The following NMNAT3 variants were observed in gnomAD, a reference collection of about 807,000 sequenced individuals.
NMNAT3 encodes the protein nicotinamide nucleotide adenylyltransferase 3.
In NMNAT3, 21 loss-of-function variants were observed where a neutral mutation model predicts 24.8. The observed-to-expected ratio is 0.85, with a 90% confidence interval of 0.60 to 1.22. The LOEUF is 1.22. NMNAT3 is among the 50% of genes most tolerant of loss of function. The pLI is 0.00. For missense variants in NMNAT3, 387 were observed against 436.6 expected, an observed-to-expected ratio of 0.89 and a Z score of 1.01; for synonymous variants, 136 against 155.2, an observed-to-expected ratio of 0.88 and a Z score of 0.92.
At chr3:139,587,088 A>ATT (rs1250222294) in intron 3 of NMNAT3, among the ~76,000 whole-genome samples, 1 of 152,222 alleles carries the variant, frequency 6.6e-6, no homozygotes, top group Non-Finnish European at 1.5e-5. Context: ...ACCACCTTGC[A>ATT]TTGCCCTGTG....
At chr3:139,627,465 T>C (rs1302084788) in intron 3 of NMNAT3, 151 bp downstream of exon 4, 21 of 563,816 alleles carry the variant, frequency 3.7e-5, no homozygotes, top group Non-Finnish European at 5.4e-5. Flanking sequence ...ACTATAAGCA[T>C]CAACCCTTTG....
At chr3:139,671,808 T>A (rs2057765657) in intron 1 of NMNAT3, among the ~76,000 whole-genome samples, 1 of 152,212 alleles carries the variant, frequency 6.6e-6, no homozygotes, top group African/African-American at 2.4e-5. Context: ...CAAGTTAGAC[T>A]CCTACACACT....
chr3:139,567,982 TG>T (rs1366509362), intron 6 of NMNAT3: 11 of 152,214 alleles, frequency 7.2e-5, no homozygotes, highest in Admixed American at 2.0e-4. Flanking sequence ...GGACTTTTTT[TG>T]GTTGGTAAGC....
At chr3:139,676,755 G>A (rs1165769421) in intron 1 of NMNAT3, among the ~76,000 whole-genome samples, 2 of 152,232 alleles carry the variant, frequency 1.3e-5, no homozygotes. Context: ...TCATTTTAGA[G>A]AACAGGCTGT....
At chr3:139,562,250 C>T (rs1936514285) in intron 6 of NMNAT3, among the ~76,000 whole-genome samples, 1 of 152,190 alleles carries the variant, frequency 6.6e-6, no homozygotes, top group South Asian at 2.1e-4. Flanking sequence ...GGCAGCCATC[C>T]TCCAGGTGTG....
Position 139,627,684 on chromosome 3 carries a change from G to A in NMNAT3, c.41C>T (p.Ser14Phe). The change falls in exon 3 of 7, where the codon TCC becomes TTC. Residue 14 changes from serine to phenylalanine, a missense_variant. This residue lies in a region of NMNAT3 where 51 missense variants were observed against 55.6 expected (regional missense o/e 0.92). Transcript: ENST00000643695. ...GTGCATGTTGGTGATGGGGTTAAAG[G>A]AGCCACAGGCCAGGAGCACCACAGG... 6.3e-7 allele frequency: 1 copy of A among 1,596,124 alleles called. No individual in the cohort carries two copies. Among genetic ancestry groups the A allele is most frequent in the Non-Finnish European group, 8.5e-7 (1 of 1,178,498 alleles).
intron 3 of NMNAT3, among the ~76,000 whole-genome samples, chr3:139,613,007 G>A (rs985145210): frequency 4.6e-5 from 7 of 152,140 alleles, no homozygotes; most frequent in Non-Finnish European, 8.8e-5. Context: ...AGACCTAAAT[G>A]TTAGATCTAA....
chr3:139,590,092 G>T (rs1056457223), intron 3 of NMNAT3, among the ~76,000 whole-genome samples: 6 of 152,188 alleles, frequency 3.9e-5, no homozygotes, highest in Admixed American at 3.3e-4. Flanking sequence ...CTTCAGGAGG[G>T]ATATGGGCAG....
At chr3:139,613,119 C>A (rs900127917) in intron 3 of NMNAT3, among the ~76,000 whole-genome samples, 32 of 151,894 alleles carry the variant, frequency 2.1e-4, no homozygotes, top group African/African-American at 6.5e-4. Flanking sequence ...GCAACAAAAG[C>A]AAAAATTGAC....
intron 1 of NMNAT3, among the ~76,000 whole-genome samples, chr3:139,638,274 G>C (rs1054663849): frequency 5.9e-5 from 9 of 152,116 alleles, no homozygotes; most frequent in African/African-American, 2.2e-4. Flanking sequence ...CCTTGGCTGA[G>C]CCCCATCCAA....
rs563444633 is a variant in NMNAT3 at position 139,598,558 on chromosome 3, G to A, written c.110-15350C>T. ...CAGACACATGAATGAAGAGTCCCTG[G>A]ATGACTGCAGGGACTCCACTCGGTC... On this transcript the variant is annotated intron_variant, in intron 3 of 6. Transcript: ENST00000643695. Among the ~76,000 whole-genome samples, 6 of 152,184 alleles carry A rather than the reference G, an allele frequency of 3.9e-5. No individual in the cohort carries two copies. The South Asian group carries it at 1.0e-3, about 26-fold the overall frequency.
rs138758963 is a variant in NMNAT3 at position 139,601,155 on chromosome 3, T to C, written c.110-17947A>G. Among the ~76,000 whole-genome samples, 360 of 152,314 alleles carry C rather than the reference T, an allele frequency of 2.4e-3. 2 individuals carry two copies. Among genetic ancestry groups the C allele is most frequent in the African/African-American group, 8.3e-3 (346 of 41,580 alleles). ...CTGCTGAAGGCAAGCTGCTCAACAC[T>C]GCACTGGACATCCTCCATGTGTGGA... is the stretch of plus-strand genomic sequence containing the variant. On this transcript the variant is annotated intron_variant, in intron 3 of 6. Transcript: ENST00000643695.
chr3:139,596,916 G>GTGTATA lies in NMNAT3; in HGVS notation c.110-13709_110-13708insTATACA, dbSNP rs1393197797. On this transcript the variant is annotated intron_variant, in intron 3 of 6. Transcript: ENST00000643695. ...TTTCCACTATATTTTTGTCATGTGT[G>GTGTATA]TATATATATATATATATATATATAT... is the stretch of plus-strand genomic sequence containing the variant. Among the ~76,000 whole-genome samples, 833 of 95,992 alleles carry GTGTATA rather than the reference G, an allele frequency of 8.7e-3. 4 individuals are homozygous for GTGTATA. The highest frequency in any genetic ancestry group is 0.015 in the Middle Eastern group (2 of 134). The allele number at this position is 95,992 out of a possible 152,430, so 63.0% of individuals were successfully genotyped here. A position where few individuals can be genotyped will look rare whatever the true frequency, so the allele number is the denominator to read the frequency against.
At chr3:139,582,659 A>AAAAAAG (rs1559873163) in intron 4 of NMNAT3, among the ~76,000 whole-genome samples, 10 of 149,608 alleles carry the variant, frequency 6.7e-5, no homozygotes, top group Non-Finnish European at 1.3e-4. Flanking sequence ...AAAAAAAAAA[A>AAAAAAG]AAAAAGAAAA....
At chr3:139,665,186 C>T (rs973279829) in intron 1 of NMNAT3, among the ~76,000 whole-genome samples, 3 of 152,106 alleles carry the variant, frequency 2.0e-5, no homozygotes, top group African/African-American at 2.4e-5. Context: ...ACCCTGTACA[C>T]GAAGCCAGGC....
At chr3:139,614,789 G>A (rs1369195051) in intron 3 of NMNAT3, among the ~76,000 whole-genome samples, 24 of 152,168 alleles carry the variant, frequency 1.6e-4, no homozygotes, top group Admixed American at 1.6e-3. Context: ...ATTTTTTCCT[G>A]TGGAATTAAT....
At position 139,608,097 on chromosome 3, in the gene NMNAT3, A is replaced by G. The variant is rs1316895548; in HGVS notation, c.109+19519T>C. 3.9e-5 allele frequency among the ~76,000 whole-genome samples: 6 copies of G among 152,344 alleles called. No homozygotes were observed. In the East Asian group the frequency reaches 7.7e-4, roughly 20 times the overall value. On this transcript the variant is annotated intron_variant, in intron 3 of 6. Transcript: ENST00000643695. Reference sequence around the variant, plus strand: ...TATGGTCTGTTTAGCAAAGAAGCCAACTGCTGGTTCTCCACTCTGAATGAT... The same window carrying G: ...TATGGTCTGTTTAGCAAAGAAGCCAGCTGCTGGTTCTCCACTCTGAATGAT...
intron 6 of NMNAT3, chr3:139,569,123 T>A (rs1937639332): frequency 6.6e-6 from 1 of 152,204 alleles, no homozygotes; most frequent in African/African-American, 2.4e-5. Context: ...TTTTGATCTT[T>A]GTTGGTTTAA....
intron 1 of NMNAT3, among the ~76,000 whole-genome samples, chr3:139,643,276 G>T (rs2056766221): frequency 1.3e-5 from 2 of 152,158 alleles, no homozygotes; most frequent in Admixed American, 6.5e-5. Flanking sequence ...AATGTAAAAT[G>T]CTGCAGCTGC....
Sources: gnomAD v4.1 joint callset for allele counts (sites outside exome capture counted in the v4.1 genomes callset) on GRCh38, gnomAD v4.1.1 for gene constraint, gnomAD v4.1.1 regional missense constraint, MANE v1.5 for transcripts, NCBI Gene and HGNC (gene_info 2026-07-23, HGNC 2026-07-21) for gene names.